TSBP1: variants seen among roughly 807,000 people sequenced by gnomAD.
The protein encoded by TSBP1 is testis expressed basic protein 1.
A neutral mutation model predicts 68.8 loss-of-function variants in TSBP1; 56 were observed. The ratio of observed to expected loss-of-function variants is 0.81; its 90% CI spans 0.66 to 1.02. TSBP1 has a LOEUF of 1.02. Ranked by LOEUF, TSBP1 falls within the 50% of genes least tolerant of loss-of-function variation. The pLI is 0.00. For missense variants in TSBP1, 502 were observed against 641.2 expected (o/e 0.78, Z 2.34); for synonymous variants, 171 against 208.7 (o/e 0.82, Z 1.56).
At position 32,336,797 on chromosome 6, in the gene TSBP1, AT is replaced by A. The variant is rs569901029; in HGVS notation, c.410-163del. ...GGAAGCTGCATAACCCTCCTACCAGATCAAATCATTCAGCATCCATCTTAAA... is the reference window on the plus strand; with the variant it reads ...GGAAGCTGCATAACCCTCCTACCAGACAAATCATTCAGCATCCATCTTAAA... On this transcript the variant is annotated intron_variant, in intron 11 of 22. Transcript: ENST00000612031. The surrounding 1 kb of genome is among the most constrained non-coding windows in gnomAD (Gnocchi z 5.2). Among the ~76,000 whole-genome samples, 241 of 152,304 alleles carry A rather than the reference AT, an allele frequency of 1.6e-3. 2 individuals are homozygous for A. The South Asian group carries it at 0.036, about 23-fold the overall frequency.
chr6:32,309,853 C>CT (rs1360174788), intron 19 of TSBP1, among the ~76,000 whole-genome samples: 1 of 152,154 alleles, frequency 6.6e-6, no homozygotes, highest in Non-Finnish European at 1.5e-5. Flanking sequence ...TCCATTCTAT[C>CT]TAACTATTTT....
At chr6:32,310,800 C>T (rs1766323173) in intron 19 of TSBP1, among the ~76,000 whole-genome samples, 1 of 148,026 alleles carries the variant, frequency 6.8e-6, no homozygotes, top group Admixed American at 6.7e-5. Flanking sequence ...TTCTTTTATT[C>T]CCCAATAGGT....
At chr6:32,349,038 C>T (rs1031267304) in intron 9 of TSBP1, among the ~76,000 whole-genome samples, 1 of 152,074 alleles carries the variant, frequency 6.6e-6, no homozygotes, top group Non-Finnish European at 1.5e-5. Flanking sequence ...AGGTGAGGGA[C>T]AAAATCTCAG....
intron 22 of TSBP1, 88 bp downstream of exon 25, chr6:32,299,834 C>T: frequency 9.6e-7 from 1 of 1,044,096 alleles, no homozygotes; most frequent in Non-Finnish European, 1.5e-6. Context: ...GAAGCACAGG[C>T]CTCTATTTTG....
exon 23 of TSBP1, chr6:32,293,241 A>G (rs769222147): frequency 6.2e-7 from 1 of 1,611,974 alleles, no homozygotes; most frequent in South Asian, 1.1e-5. Flanking sequence ...AGTACACCTG[A>G]CTCACTCTTC....
intron 21 of TSBP1, 26 bp downstream of exon 24, chr6:32,300,654 A>G (rs901321993): frequency 2.5e-6 from 4 of 1,610,148 alleles, no homozygotes; most frequent in Non-Finnish European, 1.7e-6. Context: ...AGAAATAGGT[A>G]AGGCAAGGAA....
chr6:32,296,360 A>G (rs190642843), intron 22 of TSBP1, among the ~76,000 whole-genome samples: 1 of 152,320 alleles, frequency 6.6e-6, no homozygotes, highest in African/African-American at 2.4e-5. Context: ...TTGACATCCA[A>G]ATAAAAATAA....
At position 32,361,057 on chromosome 6, in the gene TSBP1, G is replaced by A. The variant is rs1436321749; in HGVS notation, c.217+5110C>T. On this transcript the variant is annotated intron_variant, in intron 6 of 22. Coordinates refer to ENST00000612031, the Ensembl canonical transcript of TSBP1. This position sits in a 1 kb window ranked among gnomAD's most constrained non-coding sequence, Gnocchi z 4.3. ...CCCCCACCCCGCAACAGGCCCCAGTGTGTGATGTTCCCCACCCTGTGTCCA... is the reference window on the plus strand; with the variant it reads ...CCCCCACCCCGCAACAGGCCCCAGTATGTGATGTTCCCCACCCTGTGTCCA... 1.3e-5 allele frequency among the ~76,000 whole-genome samples: 2 copies of A among 152,016 alleles called. No homozygotes were observed. Among genetic ancestry groups the A allele is most frequent in the Non-Finnish European group, 2.9e-5 (2 of 68,012 alleles).
intron 16 of TSBP1, chr6:32,324,639 T>C (rs557537621): frequency 1.9e-6 from 3 of 1,550,754 alleles, no homozygotes; most frequent in African/African-American, 1.4e-5. Context: ...GAGAATTCAA[T>C]GAACACATAG....
Position 32,316,834 on chromosome 6 carries a change from C to G in TSBP1, c.560-1042G>C, listed in dbSNP as rs945630173. Among the ~76,000 whole-genome samples the G allele has an allele frequency of 2.6e-5, 4 of 152,096 alleles. No homozygotes were observed. The highest frequency in any genetic ancestry group is 5.9e-5 in the Non-Finnish European group (4 of 68,026). ...GTAGGGTAGGCCAGGCGCCTTGGCTCACACCTGTAATCCCAGCACTTTGGG... is the reference window on the plus strand; with the variant it reads ...GTAGGGTAGGCCAGGCGCCTTGGCTGACACCTGTAATCCCAGCACTTTGGG... On this transcript the variant is annotated intron_variant, in intron 18 of 22. Coordinates refer to ENST00000612031, the Ensembl canonical transcript of TSBP1. The surrounding 1 kb of genome is among the most constrained non-coding windows in gnomAD (Gnocchi z 4.5).
rs1267250105 is a variant in TSBP1 at position 32,321,233 on chromosome 6, TC to T, written c.559+1883del. 2.6e-5 allele frequency among the ~76,000 whole-genome samples: 4 copies of T among 152,096 alleles called. No individual in the cohort carries two copies. Among genetic ancestry groups the T allele is most frequent in the Non-Finnish European group, 5.9e-5 (4 of 67,980 alleles). ...GGATTGGCCAGCCAACACTTAGCTA[TC>T]CAAAAAGCAGGTGGTATAATCCCTA... On this transcript the variant is annotated intron_variant, in intron 18 of 22. Coordinates refer to ENST00000612031, the Ensembl canonical transcript of TSBP1. The surrounding 1 kb of genome is among the most constrained non-coding windows in gnomAD (Gnocchi z 4.3).
At chr6:32,293,567 T>C in exon 23 of TSBP1, 1 of 1,612,880 alleles carries the variant, frequency 6.2e-7, no homozygotes, top group Non-Finnish European at 8.5e-7. Flanking sequence ...CTCACTCTTC[T>C]CTACCTGGGC....
intron 18 of TSBP1, among the ~76,000 whole-genome samples, chr6:32,317,287 C>T (rs1031782359): frequency 6.6e-6 from 1 of 152,164 alleles, no homozygotes; most frequent in Non-Finnish European, 1.5e-5. Flanking sequence ...TCCTTCCTTA[C>T]ACCACATACG....
At chr6:32,350,609 G>T (rs1423751447) in intron 8 of TSBP1, among the ~76,000 whole-genome samples, 1 of 152,174 alleles carries the variant, frequency 6.6e-6, no homozygotes, top group Non-Finnish European at 1.5e-5. Context: ...AAGGCCATAG[G>T]CCTCATGCAT....
intron 9 of TSBP1, among the ~76,000 whole-genome samples, chr6:32,341,697 C>G (rs775605356): frequency 6.6e-6 from 1 of 152,054 alleles, no homozygotes. Context: ...CCTTCCTTTT[C>G]GTTACTTTAA....
In TSBP1 at chr6:32,367,913, T is replaced by C. The variant is rs374293600; in HGVS notation, c.166+12A>G. On this transcript the variant is annotated intron_variant, in intron 4 of 22. Coordinates refer to ENST00000612031, the Ensembl canonical transcript of TSBP1. The stretch of plus-strand genomic sequence containing the variant: ...CCTTCATTAACTGTCTAGTAGTTCC[T>C]AATCTATTTACCTCTACCATCCTCA... 1.4e-5 allele frequency: 23 copies of C among 1,598,868 alleles called. No individual in the cohort carries two copies. The East Asian group carries it at 4.0e-4, about 28-fold the overall frequency.
At chr6:32,323,830 T>C (rs1329870744) in intron 16 of TSBP1, 2 of 584,952 alleles carry the variant, frequency 3.4e-6, no homozygotes, top group East Asian at 5.7e-5. Context: ...GTGGTTAAAG[T>C]AGTATGCACC....
At chr6:32,308,613 AAAAT>A (rs1766026651) in intron 19 of TSBP1, among the ~76,000 whole-genome samples, 2 of 94,920 alleles carry the variant, frequency 2.1e-5, no homozygotes, top group African/African-American at 7.8e-5. Flanking sequence ...AAAAAAAAAA[AAAAT>A]TTTGCTTTTT....
chr6:32,324,598 T>C, intron 16 of TSBP1: 1 of 1,482,696 alleles, frequency 6.7e-7, no homozygotes, highest in South Asian at 1.2e-5. Context: ...TAAAGACTCT[T>C]GGACTCCACT....
Sources: allele counts gnomAD v4.1 joint callset (sites outside exome capture counted in the v4.1 genomes callset), GRCh38; gene constraint gnomAD v4.1.1; non-coding constraint Gnocchi (gnomAD v3.1); transcripts MANE v1.5; gene names NCBI Gene and HGNC (gene_info 2026-07-23, HGNC 2026-07-21).